The following SLC35D2 variants were observed in gnomAD, a reference collection of about 807,000 sequenced individuals.
The protein encoded by SLC35D2 is nucleotide sugar transporter SLC35D2.
SLC35D2 carries 43 observed loss-of-function variants against 41.8 expected under a neutral mutation model. That is an observed-to-expected ratio of 1.03 (90% CI 0.81 to 1.33). The LOEUF is 1.33. SLC35D2 is among the 40% of genes most tolerant of loss of function. The pLI is 0.00. For synonymous variants in SLC35D2, 150 were observed against 163.9 expected (o/e 0.92, Z 0.65); for missense variants, 380 against 408.4 (o/e 0.93, Z 0.60).
At chr9:96,330,644 G>A (rs1481100961) in intron 9 of SLC35D2, among the ~76,000 whole-genome samples, 1 of 152,098 alleles carries the variant, frequency 6.6e-6, no homozygotes, top group East Asian at 1.9e-4. Context: ...ATCTTTTGGG[G>A]GTTATGGCAT....
intron 4 of SLC35D2, among the ~76,000 whole-genome samples, chr9:96,355,154 G>A (rs1367950030): frequency 3.3e-5 from 5 of 151,602 alleles, no homozygotes; most frequent in Non-Finnish European, 7.4e-5. Context: ...AAGTAGCTGG[G>A]ATTTAGGTGT....
At chr9:96,371,706 A>C (rs1473975387) in intron 1 of SLC35D2, among the ~76,000 whole-genome samples, 1 of 148,552 alleles carries the variant, frequency 6.7e-6, no homozygotes, top group African/African-American at 2.5e-5. Flanking sequence ...CAGTTCAGTT[A>C]AAACTAAATT....
At chr9:96,363,002 G>A (rs532806734) in intron 3 of SLC35D2, among the ~76,000 whole-genome samples, 93 of 151,866 alleles carry the variant, frequency 6.1e-4, no homozygotes, top group African/African-American at 2.1e-3. Context: ...GAGTAGCTGG[G>A]ACTACAGGTG....
downstream of SLC35D2, among the ~76,000 whole-genome samples, chr9:96,316,492 C>A (rs76768629): frequency 8.9e-5 from 13 of 145,932 alleles, no homozygotes; most frequent in South Asian, 4.3e-4. Context: ...CTCAAAAAAA[C>A]AAAAAAAAAA....
At chr9:96,327,058 G>C in intron 9 of SLC35D2, among the ~76,000 whole-genome samples, 1 of 152,208 alleles carries the variant, frequency 6.6e-6, no homozygotes, top group East Asian at 1.9e-4. Context: ...ACAGCAGCGG[G>C]AGCACAGCAC....
At chr9:96,364,941 T>C (rs760629635) in intron 2 of SLC35D2, among the ~76,000 whole-genome samples, 1 of 146,744 alleles carries the variant, frequency 6.8e-6, no homozygotes, top group African/African-American at 2.5e-5. Flanking sequence ...TCCCAGCTAC[T>C]CAGGAGGCTG....
intron 1 of SLC35D2, among the ~76,000 whole-genome samples, chr9:96,368,658 C>T (rs2131004301): frequency 6.6e-6 from 1 of 150,698 alleles, no homozygotes; most frequent in South Asian, 2.1e-4. Context: ...CATGCCACCA[C>T]ACCCAGCTAA....
chr9:96,340,892 C>T (rs1829295043), intron 8 of SLC35D2, among the ~76,000 whole-genome samples: 1 of 152,060 alleles, frequency 6.6e-6, no homozygotes, highest in African/African-American at 2.4e-5. Flanking sequence ...TCTTTGAAGT[C>T]TGATCAAATA....
At chr9:96,335,495 G>A (rs1032543729) in intron 9 of SLC35D2, among the ~76,000 whole-genome samples, 2 of 152,098 alleles carry the variant, frequency 1.3e-5, no homozygotes, top group African/African-American at 4.8e-5. Flanking sequence ...GAGTACCTGG[G>A]ACAACAGGTG....
chr9:96,321,399 A>G, intron 11 of SLC35D2, 58 bp from the exon 12 acceptor site: 3 of 1,269,074 alleles, frequency 2.4e-6, no homozygotes, highest in Non-Finnish European at 3.4e-6. Flanking sequence ...GGGCTCCAGC[A>G]GCAGTTGCTG....
intron 1 of SLC35D2, among the ~76,000 whole-genome samples, chr9:96,369,989 C>G (rs1359424116): frequency 1.3e-5 from 2 of 152,186 alleles, no homozygotes; most frequent in African/African-American, 4.8e-5. Context: ...CTACTGAGTG[C>G]TGGGTCATGC....
chr9:96,351,266 G>T, intron 5 of SLC35D2, 95 bp from the exon 6 acceptor site: 1 of 866,160 alleles, frequency 1.2e-6, no homozygotes, highest in Non-Finnish European at 1.9e-6. Context: ...ATAGACATCA[G>T]CATTTTTATA....
chr9:96,336,708 G>T lies in SLC35D2; in HGVS notation c.752+9C>A, dbSNP rs377568856. On this transcript the variant is annotated intron_variant, in intron 9 of 11. Transcript: ENST00000253270. ...TGACCAATGCTTCTACTTATCTATG[G>T]TTTCTTACCCCAAAAAACAGGAAAG... is the stretch of plus-strand genomic sequence containing the variant. The T allele has an allele frequency of 2.8e-5, 43 of 1,539,274 alleles. 1 individual carries two copies. The African/African-American group carries it at 5.5e-4, about 20-fold the overall frequency.
intron 9 of SLC35D2, among the ~76,000 whole-genome samples, chr9:96,329,489 A>C (rs948099640): frequency 5.3e-5 from 8 of 151,932 alleles, no homozygotes; most frequent in African/African-American, 1.9e-4. Flanking sequence ...CTCCCAAACA[A>C]AGCTTTGGGG....
chr9:96,383,296 G>A (rs941265224), intron 1 of SLC35D2, among the ~76,000 whole-genome samples, 181 bp downstream of exon 1: 9 of 152,164 alleles, frequency 5.9e-5, no homozygotes, highest in African/African-American at 2.2e-4. Context: ...CTCAGGTTGT[G>A]GCCTGAGTGT....
At chr9:96,374,511 C>T (rs1350419551) in intron 1 of SLC35D2, among the ~76,000 whole-genome samples, 1 of 122,232 alleles carries the variant, frequency 8.2e-6, no homozygotes, top group Non-Finnish European at 1.7e-5. Flanking sequence ...TCCAGCCTGG[C>T]GACAAAGCGA....
chr9:96,316,599 A>G (rs1253440847), downstream of SLC35D2, among the ~76,000 whole-genome samples: 2 of 152,148 alleles, frequency 1.3e-5, no homozygotes, highest in African/African-American at 2.4e-5. Flanking sequence ...ATGTTCCCTG[A>G]CAGTCTGCAT....
At chr9:96,332,967 C>T (rs1225511838) in intron 9 of SLC35D2, among the ~76,000 whole-genome samples, 3 of 149,498 alleles carry the variant, frequency 2.0e-5, no homozygotes, top group Admixed American at 6.7e-5. Flanking sequence ...GGCACGATCT[C>T]GGCTCACTGC....
At chr9:96,315,841 C>A (rs374578631), downstream of SLC35D2, among the ~76,000 whole-genome samples, 1 of 152,088 alleles carries the variant, frequency 6.6e-6, no homozygotes, top group Non-Finnish European at 1.5e-5. Context: ...AGAATTATAA[C>A]GGAAACCAAT....
Sources: gnomAD v4.1 joint callset for allele counts (sites outside exome capture counted in the v4.1 genomes callset) on GRCh38, gnomAD v4.1.1 for gene constraint, MANE v1.5 for transcripts, NCBI Gene and HGNC (gene_info 2026-07-23, HGNC 2026-07-21) for gene names.